Variants in IL27 observed in about 807,000 individuals in gnomAD.
IL27 encodes interleukin 27, also known as interleukin-27 subunit alpha.
In IL27, 11 loss-of-function variants were observed where a neutral mutation model predicts 27.0. The ratio of observed to expected loss-of-function variants is 0.41; its 90% confidence interval spans 0.26 to 0.67. The LOEUF is 0.67. Ranked by LOEUF, IL27 falls within the 30% of genes least tolerant of loss-of-function variation. The pLI is 0.34. For missense variants in IL27, 299 were observed against 310.4 expected, an observed-to-expected ratio of 0.96 and a Z score of 0.28; for synonymous variants, 134 against 140.6, an observed-to-expected ratio of 0.95 and a Z score of 0.33.
At chr16:28,500,045 C>T (rs1054232235) in intron 4 of IL27, 125 bp from the exon 5 acceptor site, 1 of 1,279,700 alleles carries the variant, frequency 7.8e-7, no homozygotes, top group Non-Finnish European at 1.0e-6. Flanking sequence ...TTTCCCCGGA[C>T]ATTCCCTGCT....
chr16:28,502,595 C>G (rs2046438986), intron 3 of IL27, among the ~76,000 whole-genome samples: 1 of 152,054 alleles, frequency 6.6e-6, no homozygotes, highest in Admixed American at 6.6e-5. Flanking sequence ...CCATTCCCTT[C>G]CCCACCAGCA....
chr16:28,501,523 CACAT>C (rs1022920432), intron 4 of IL27, among the ~76,000 whole-genome samples: 2 of 149,518 alleles, frequency 1.3e-5, no homozygotes, highest in African/African-American at 2.5e-5. Context: ...CACACGGACG[CACAT>C]ACACACAGTC....
intron 4 of IL27, among the ~76,000 whole-genome samples, chr16:28,500,170 C>T (rs994756739): frequency 2.6e-5 from 4 of 152,182 alleles, no homozygotes; most frequent in Admixed American, 2.0e-4. Flanking sequence ...AGGACTGCCC[C>T]GAGGCGTGGG....
At chr16:28,500,774 G>C (rs1456758687) in intron 4 of IL27, among the ~76,000 whole-genome samples, 1 of 152,224 alleles carries the variant, frequency 6.6e-6, no homozygotes, top group African/African-American at 2.4e-5. Context: ...AGCCCCAGGA[G>C]AATGTGAAGA....
Position 28,506,820 on chromosome 16 carries a change from C to G in IL27, c.-9G>C, listed in dbSNP as rs760070568. On this transcript the variant is annotated 5_prime_UTR_variant, in exon 1 of 5. Transcript: ENST00000356897. ...CCTGCCGTCTGGCCCATGGCGGGGCCCAGCCTCTTTGGTCAGCCATCTCCT... is the reference window on the plus strand; with the variant it reads ...CCTGCCGTCTGGCCCATGGCGGGGCGCAGCCTCTTTGGTCAGCCATCTCCT... 6.2e-6 allele frequency: 10 copies of G among 1,611,644 alleles called. No homozygotes were observed. The highest frequency in any genetic ancestry group is 8.5e-6 in the Non-Finnish European group (10 of 1,178,884).
Position 28,501,958 on chromosome 16 carries a change from A to T in IL27, c.462+18T>A. ...TTTCCCACGTGGTCTGGGGTGGTGG[A>T]GGGTGGCCGGGCTCTACCTGGAAGC... On this transcript the variant is annotated intron_variant, in intron 4 of 4. Coordinates refer to ENST00000356897, the MANE Select transcript of IL27 (RefSeq NM_145659.3). 1 of 1,596,348 alleles carries T rather than the reference A, an allele frequency of 6.3e-7. No individual in the cohort carries two copies. The highest frequency in any genetic ancestry group is 8.5e-7 in the Non-Finnish European group (1 of 1,173,808).
intron 1 of IL27, among the ~76,000 whole-genome samples, chr16:28,505,268 G>A (rs974849253): frequency 2.0e-5 from 3 of 152,214 alleles, no homozygotes; most frequent in African/African-American, 4.8e-5. Flanking sequence ...AAAAGGACAG[G>A]TTTGTCCAGT....
At position 28,501,660 on chromosome 16, in the gene IL27, C is replaced by G. The variant is rs527534146; in HGVS notation, c.462+316G>C. On this transcript the variant is annotated intron_variant, in intron 4 of 4. Coordinates refer to ENST00000356897, the MANE Select transcript of IL27 (RefSeq NM_145659.3). ...TCACACTCACGGACCCACACCCTCA[C>G]ACACAGTCATGCTCACACTCATACA... Among the ~76,000 whole-genome samples the G allele has an allele frequency of 2.0e-5, 3 of 151,254 alleles. No homozygotes were observed. In the East Asian group the frequency reaches 5.8e-4, roughly 29 times the overall value.
Position 28,501,967 on chromosome 16 carries a change from G to A in IL27, c.462+9C>T, listed in dbSNP as rs111923473. 1.6e-3 allele frequency: 2,553 copies of A among 1,599,200 alleles called. 19 individuals are homozygous for A. The African/African-American group carries it at 0.02, about 12-fold the overall frequency. Reference sequence around the variant, plus strand: ...TGGTCTGGGGTGGTGGAGGGTGGCCGGGCTCTACCTGGAAGCGGAGGTGCC... The same window carrying A: ...TGGTCTGGGGTGGTGGAGGGTGGCCAGGCTCTACCTGGAAGCGGAGGTGCC... On this transcript the variant is annotated intron_variant, in intron 4 of 4. Transcript: ENST00000356897.
chr16:28,503,969 A>AT lies in IL27; in HGVS notation c.112_113insA (p.Leu38HisfsTer52). ...CTCCCTCCGCAGCTCCTGCAGGCTC[A>AT]GCTGGGGCCTCCCTGGGGGCCTTGG... is the stretch of plus-strand genomic sequence containing the variant. On this transcript the variant is annotated frameshift_variant, in exon 2 of 5. Transcript: ENST00000356897. LOFTEE classifies it high-confidence loss of function. 1 of 1,614,148 alleles carries AT rather than the reference A, an allele frequency of 6.2e-7. No homozygotes were observed. Among genetic ancestry groups the AT allele is most frequent in the Non-Finnish European group, 8.5e-7 (1 of 1,179,994 alleles).
chr16:28,506,192 C>T (rs1024214805), intron 1 of IL27, among the ~76,000 whole-genome samples: 2 of 152,186 alleles, frequency 1.3e-5, no homozygotes, highest in Admixed American at 1.3e-4. Context: ...GTCATTGGCT[C>T]TGGCCTTTGA....
chr16:28,503,313 G>T (rs922671701), intron 3 of IL27, among the ~76,000 whole-genome samples: 3 of 152,032 alleles, frequency 2.0e-5, no homozygotes, highest in Non-Finnish European at 2.9e-5. Flanking sequence ...TGGAGTCCAG[G>T]ATCATAACTC....
intron 3 of IL27, among the ~76,000 whole-genome samples, chr16:28,503,138 A>T (rs1302651659): frequency 6.6e-6 from 1 of 151,920 alleles, no homozygotes; most frequent in Non-Finnish European, 1.5e-5. Context: ...TGTATTTTTT[A>T]GTAGAGATGG....
At chr16:28,504,323 C>T (rs1246832932) in intron 1 of IL27, among the ~76,000 whole-genome samples, 5 of 152,086 alleles carry the variant, frequency 3.3e-5, no homozygotes, top group Admixed American at 3.3e-4. Flanking sequence ...ACTAAAAATA[C>T]AAAAATTAGT....
intron 4 of IL27, among the ~76,000 whole-genome samples, 193 bp downstream of exon 4, chr16:28,501,783 A>T (rs894489514): frequency 6.6e-6 from 1 of 151,504 alleles, no homozygotes; most frequent in Non-Finnish European, 1.5e-5. Flanking sequence ...ATGGACCCAC[A>T]CAGTCACACT....
Position 28,506,824 on chromosome 16 carries a change from C to A in IL27, c.-13G>T, listed in dbSNP as rs748427286. On this transcript the variant is annotated 5_prime_UTR_variant, in exon 1 of 5. Coordinates refer to ENST00000356897, the MANE Select transcript of IL27 (RefSeq NM_145659.3). ...CCGTCTGGCCCATGGCGGGGCCCAG[C>A]CTCTTTGGTCAGCCATCTCCTGGGT... 1.2e-6 allele frequency: 2 copies of A among 1,611,338 alleles called. No homozygotes were observed. Among genetic ancestry groups the A allele is most frequent in the Non-Finnish European group, 1.7e-6 (2 of 1,178,754 alleles).
chr16:28,503,114 G>A (rs567607253), intron 3 of IL27, among the ~76,000 whole-genome samples: 4 of 152,174 alleles, frequency 2.6e-5, no homozygotes, highest in Admixed American at 6.5e-5. Context: ...GAGCCACTGC[G>A]CTCAGCTAAT....
At chr16:28,503,816 G>A in intron 2 of IL27, 23 bp from the exon 3 acceptor site, 1 of 1,612,000 alleles carries the variant, frequency 6.2e-7, no homozygotes, top group Non-Finnish European at 8.5e-7. Flanking sequence ...GTCTGTTAGT[G>A]GGGGCCAGAA....
At chr16:28,505,057 G>C (rs2046453906) in intron 1 of IL27, among the ~76,000 whole-genome samples, 1 of 152,250 alleles carries the variant, frequency 6.6e-6, no homozygotes, top group Admixed American at 6.5e-5. Flanking sequence ...AGCCAGGACT[G>C]GATTCCAGGT....
Sources: gnomAD v4.1 joint callset for allele counts (sites outside exome capture counted in the v4.1 genomes callset) on GRCh38, gnomAD v4.1.1 for gene constraint, MANE v1.5 for transcripts, NCBI Gene and HGNC (gene_info 2026-07-23, HGNC 2026-07-21) for gene names.